The following CCDC102B variants were observed in gnomAD, a reference collection of about 807,000 sequenced individuals.
The protein encoded by CCDC102B is coiled-coil domain containing 102B.
In CCDC102B, 75 loss-of-function variants were observed where a neutral mutation model predicts 57.4. The ratio of observed to expected loss-of-function variants is 1.31; its 90% confidence interval spans 1.08 to 1.58. The LOEUF is 1.58. CCDC102B is among the 40% of genes most tolerant of loss of function. CCDC102B has a pLI of 0.00. For synonymous variants in CCDC102B, 206 were observed against 201.9 expected (o/e 1.02, Z -0.17); for missense variants, 636 against 582.6 (o/e 1.09, Z -0.94).
rs144488177 is a variant in CCDC102B, at chr18:68,771,450, G to A, written c.-66-51916G>A. ...GTGCAAAATAACGATGACTGAACATGGCCCAGGGGTTAGATACTCACCTCT... is the reference window on the plus strand; with the variant it reads ...GTGCAAAATAACGATGACTGAACATAGCCCAGGGGTTAGATACTCACCTCT... On this transcript the variant is annotated intron_variant, in intron 2 of 3. Coordinates refer to the CCDC102B transcript ENST00000578970. Among the ~76,000 whole-genome samples, 117 of 152,280 alleles carry A rather than the reference G, an allele frequency of 7.7e-4. 1 individual carries two copies. The highest frequency in any genetic ancestry group is 2.8e-3 in the African/African-American group (116 of 41,576).
upstream of CCDC102B, among the ~76,000 whole-genome samples, chr18:68,796,960 A>G (rs2035651139): frequency 6.6e-6 from 1 of 152,074 alleles, no homozygotes; most frequent in Admixed American, 6.6e-5. Flanking sequence ...CCATGACAGA[A>G]AGAATGGTAC....
chr18:69,048,929 T>C (rs528061437), intron 7 of CCDC102B, among the ~76,000 whole-genome samples: 1 of 152,102 alleles, frequency 6.6e-6, no homozygotes, highest in Non-Finnish European at 1.5e-5. Flanking sequence ...TTTAAACTCT[T>C]GGTTTTTTCA....
chr18:68,808,551 C>G (rs2144703206), intron 1 of CCDC102B, among the ~76,000 whole-genome samples: 1 of 146,276 alleles, frequency 6.8e-6, no homozygotes, highest in East Asian at 2.1e-4. Flanking sequence ...TATCTCCGCT[C>G]ACTGCAAGCT....
rs1261245220 is a variant in CCDC102B, at chr18:68,886,935, G to C, written c.1054-10284G>C. On this transcript the variant is annotated intron_variant, in intron 5 of 7. Coordinates refer to ENST00000360242, the MANE Select transcript of CCDC102B (RefSeq NM_024781.3). ...ATTTTCTTGACATTTAGAGTTCAAG[G>C]CTTTATTTACTTATTTCAGTACCAA... Among the ~76,000 whole-genome samples the C allele has an allele frequency of 2.6e-5, 4 of 151,428 alleles. 1 individual carries two copies. The highest frequency in any genetic ancestry group is 9.7e-5 in the African/African-American group (4 of 41,238).
At chr18:68,752,237 G>T (rs568204554) in intron 2 of CCDC102B, among the ~76,000 whole-genome samples, 7 of 151,996 alleles carry the variant, frequency 4.6e-5, no homozygotes, top group Non-Finnish European at 1.0e-4. Flanking sequence ...TCCAGCCTGG[G>T]TGACAGAGCG....
rs1000380210 is a variant in CCDC102B, at chr18:68,758,546, G to A, written c.-67+41952G>A. On this transcript the variant is annotated intron_variant, in intron 2 of 3. Coordinates refer to the CCDC102B transcript ENST00000578970. ...ACAAAGAGATAAGACTTCCATAGCT[G>A]TTATAATCTATAATGTAAGCATCAC... 2.6e-5 allele frequency among the ~76,000 whole-genome samples: 4 copies of A among 152,078 alleles called. No homozygotes were observed. In the East Asian group the frequency reaches 7.7e-4, roughly 29 times the overall value.
intron 2 of CCDC102B, among the ~76,000 whole-genome samples, chr18:68,750,708 C>T (rs909935327): frequency 4.7e-5 from 7 of 149,208 alleles, no homozygotes; most frequent in East Asian, 2.0e-4. Context: ...ACAAAAAAAC[C>T]GAACACCACA....
intron 6 of CCDC102B, among the ~76,000 whole-genome samples, chr18:68,972,034 G>A (rs958616217): frequency 2.6e-5 from 4 of 152,002 alleles, no homozygotes; most frequent in Admixed American, 2.0e-4. Flanking sequence ...CCACATGCTT[G>A]GAAAGGATAT....
chr18:68,931,978 AT>A (rs2041689253), intron 6 of CCDC102B, among the ~76,000 whole-genome samples: 1 of 86,386 alleles, frequency 1.2e-5, no homozygotes, highest in Non-Finnish European at 3.1e-5. Context: ...CACAAACTGT[AT>A]TATTCTATAA....
At chr18:68,791,786 A>G (rs980841832) in intron 2 of CCDC102B, among the ~76,000 whole-genome samples, 5 of 152,136 alleles carry the variant, frequency 3.3e-5, no homozygotes, top group Non-Finnish European at 7.3e-5. Context: ...TGAGACTTGG[A>G]ATAATGGAGT....
intron 6 of CCDC102B, among the ~76,000 whole-genome samples, chr18:68,919,048 T>C (rs911983850): frequency 6.6e-6 from 1 of 152,084 alleles, no homozygotes; most frequent in African/African-American, 2.4e-5. Flanking sequence ...TGGAGGCTTT[T>C]TCTGTATCTG....
chr18:69,029,361 A>G (rs1197838087), intron 7 of CCDC102B, among the ~76,000 whole-genome samples: 2 of 152,222 alleles, frequency 1.3e-5, no homozygotes, highest in East Asian at 3.9e-4. Flanking sequence ...GCAGCAATCC[A>G]TGCTACCATC....
chr18:69,032,815 A>G (rs189485834), intron 7 of CCDC102B, among the ~76,000 whole-genome samples: 2 of 152,260 alleles, frequency 1.3e-5, no homozygotes, highest in African/African-American at 4.8e-5. Flanking sequence ...GCATCTATTA[A>G]GCACCAGCTT....
chr18:68,897,777 C>A, intron 6 of CCDC102B: 10 of 514,666 alleles, frequency 1.9e-5, no homozygotes, highest in East Asian at 6.8e-5. Flanking sequence ...AAGATTTTTT[C>A]ATTAATTCAA....
In CCDC102B at chr18:69,015,053, T is replaced by C. The variant is rs2051628710; in HGVS notation, c.1434+3949T>C. 2.0e-5 allele frequency among the ~76,000 whole-genome samples: 3 copies of C among 151,672 alleles called. No individual in the cohort carries two copies. In the Admixed American group the frequency reaches 2.0e-4, roughly 10 times the overall value. ...AGAAAAAAAATTTGCTGTTCTTTGC[T>C]GTGGGAGGAATACATTTCCCAAGCA... On this transcript the variant is annotated intron_variant, in intron 7 of 7. Transcript: ENST00000360242.
chr18:68,890,017 G>A (rs1313876894), intron 5 of CCDC102B, among the ~76,000 whole-genome samples: 1 of 152,126 alleles, frequency 6.6e-6, no homozygotes. Context: ...TATCTTACTG[G>A]AGATATTAGG....
At chr18:69,016,810 T>G (rs1813141750) in intron 7 of CCDC102B, among the ~76,000 whole-genome samples, 1 of 152,176 alleles carries the variant, frequency 6.6e-6, no homozygotes. Flanking sequence ...GTACATACCT[T>G]ATTTTCTACA....
chr18:68,883,651 G>C (rs151262375), intron 5 of CCDC102B, among the ~76,000 whole-genome samples: 4 of 152,168 alleles, frequency 2.6e-5, no homozygotes, highest in South Asian at 2.1e-4. Context: ...ACCATTGTGC[G>C]TGCAACTGAG....
intron 7 of CCDC102B, among the ~76,000 whole-genome samples, chr18:69,048,412 C>T (rs2052619129): frequency 6.6e-6 from 1 of 151,914 alleles, no homozygotes; most frequent in South Asian, 2.1e-4. Flanking sequence ...GTTGAACATT[C>T]TGGTTTCTCC....
Sources: gnomAD v4.1 joint callset for allele counts (sites outside exome capture counted in the v4.1 genomes callset) on GRCh38, gnomAD v4.1.1 for gene constraint, MANE v1.5 for transcripts, NCBI Gene and HGNC (gene_info 2026-07-23, HGNC 2026-07-21) for gene names.